ANKRD22: variants seen among roughly 807,000 people sequenced by gnomAD.
ANKRD22 encodes the protein ankyrin repeat domain-containing protein 22.
ANKRD22 carries 24 observed loss-of-function variants against 25.7 expected under a neutral mutation model. That is an observed-to-expected ratio of 0.93 (90% confidence interval 0.68 to 1.31). The LOEUF (loss-of-function observed/expected upper bound fraction) is 1.31, where lower values mean the gene tolerates loss of function less well. Among genes scored for constraint, ANKRD22 ranks in the 50% most tolerant of loss-of-function variants. The pLI, the probability that ANKRD22 is intolerant of heterozygous loss-of-function variation, is 0.00. For synonymous variants in ANKRD22, 84 were observed against 84.3 expected (o/e 1.00, Z 0.02); for missense variants, 214 against 227.1 (o/e 0.94, Z 0.37).
chr10:88,838,786 G>A lies in ANKRD22; in HGVS notation c.22-6760C>T, dbSNP rs960609721. Among the ~76,000 whole-genome samples, 5 of 152,212 alleles carry A rather than the reference G, an allele frequency of 3.3e-5. No homozygotes were observed. The East Asian group carries it at 5.8e-4, about 18-fold the overall frequency. The stretch of plus-strand genomic sequence containing the variant: ...AATTGAACCATGGTCAAAAAACAAC[G>A]GTGACCAAGAAGTAGACTGAATCAG... On this transcript the variant is annotated intron_variant, in intron 1 of 5. Coordinates refer to ENST00000371930, the MANE Select transcript of ANKRD22 (RefSeq NM_144590.3).
Position 88,836,898 on chromosome 10 carries a change from T to C in ANKRD22, c.22-4872A>G, listed in dbSNP as rs1323499363. ...AGACAAAGATCATTGAATGTGATCA[T>C]TAGCAGCCATGCAGAGGCCAATTTT... On this transcript the variant is annotated intron_variant, in intron 1 of 5. Transcript: ENST00000371930. 3.3e-5 allele frequency among the ~76,000 whole-genome samples: 5 copies of C among 152,312 alleles called. No homozygotes were observed. The East Asian group carries it at 9.6e-4, about 29-fold the overall frequency.
At chr10:88,839,351 C>T (rs1843983474) in intron 1 of ANKRD22, among the ~76,000 whole-genome samples, 1 of 152,134 alleles carries the variant, frequency 6.6e-6, no homozygotes, top group African/African-American at 2.4e-5. Flanking sequence ...GTATCTATGA[C>T]TTTTACCTGG....
chr10:88,823,392 G>C lies in ANKRD22; in HGVS notation c.400-14C>G. ...GGTACAGCCATACTGAAACACAAAGGGCCAAAACTTCAGCTCATAAGTCGG... is the reference window on the plus strand; with the variant it reads ...GGTACAGCCATACTGAAACACAAAGCGCCAAAACTTCAGCTCATAAGTCGG... On this transcript the variant is annotated splice_polypyrimidine_tract_variant and intron_variant, in intron 4 of 5. Transcript: ENST00000371930. 1.9e-6 allele frequency: 3 copies of C among 1,602,650 alleles called. No individual in the cohort carries two copies. Among genetic ancestry groups the C allele is most frequent in the Non-Finnish European group, 2.6e-6 (3 of 1,169,782 alleles).
chr10:88,824,334 G>A (rs1843833408), intron 4 of ANKRD22, among the ~76,000 whole-genome samples: 1 of 152,186 alleles, frequency 6.6e-6, no homozygotes, highest in South Asian at 2.1e-4. Context: ...GGTGAGTGAA[G>A]AAATAGTACC....
Position 88,820,467 on chromosome 10 carries a change from A to T in ANKRD22, c.*2474T>A, listed in dbSNP as rs1378697641. The T allele has an allele frequency of 6.4e-7, 1 of 1,551,662 alleles. No homozygotes were observed. The highest frequency in any genetic ancestry group is 2.0e-5 in the Admixed American group (1 of 51,000). On this transcript the variant is annotated 3_prime_UTR_variant, in exon 6 of 6. Transcript: ENST00000371930. The stretch of plus-strand genomic sequence containing the variant: ...CATCTGATGCAGCAGGAGGAGACCA[A>T]CCTTTCCCAGGGACGGTGTGAGGCC...
chr10:88,821,633 C>T lies in ANKRD22; in HGVS notation c.*1308G>A, dbSNP rs1391505370. ...CAGAATCTATATCTACACACTATTA[C>T]TTCCTTCATAAAATAAGTTTCTTAA... is the stretch of plus-strand genomic sequence containing the variant. On this transcript the variant is annotated 3_prime_UTR_variant, in exon 6 of 6. Coordinates refer to ENST00000371930, the MANE Select transcript of ANKRD22 (RefSeq NM_144590.3). Among the ~76,000 whole-genome samples the T allele has an allele frequency of 6.6e-6, 1 of 152,110 alleles. No individual in the cohort carries two copies. The highest frequency in any genetic ancestry group is 2.4e-5 in the African/African-American group (1 of 41,422).
At chr10:88,843,439 C>T (rs1037566067) in intron 1 of ANKRD22, among the ~76,000 whole-genome samples, 2 of 152,150 alleles carry the variant, frequency 1.3e-5, no homozygotes, top group Non-Finnish European at 2.9e-5. Context: ...TGGGAGAAAA[C>T]GTTGCCTTTG....
chr10:88,830,624 A>T (rs577806953), intron 2 of ANKRD22, among the ~76,000 whole-genome samples: 2 of 152,360 alleles, frequency 1.3e-5, no homozygotes, highest in African/African-American at 4.8e-5. Flanking sequence ...AAAATCTATT[A>T]ATCTAATGTA....
At chr10:88,844,429 T>TA (rs1291943986) in intron 1 of ANKRD22, among the ~76,000 whole-genome samples, 2 of 152,158 alleles carry the variant, frequency 1.3e-5, no homozygotes, top group Non-Finnish European at 2.9e-5. Context: ...AATTAGTATG[T>TA]AAACCATTTT....
At chr10:88,823,120 C>T in intron 5 of ANKRD22, 102 bp from the exon 6 acceptor site, 1 of 1,300,262 alleles carries the variant, frequency 7.7e-7, no homozygotes, top group African/African-American at 1.5e-5. Context: ...CTTTAAAAGG[C>T]AATCAGTCCT....
chr10:88,849,555 T>C (rs1844084518), intron 1 of ANKRD22, among the ~76,000 whole-genome samples: 2 of 152,174 alleles, frequency 1.3e-5, no homozygotes, highest in South Asian at 4.1e-4. Context: ...TGTGTAACTA[T>C]GAGCCAGTGA....
chr10:88,823,357 A>T lies in ANKRD22; in HGVS notation c.421T>A (p.Tyr141Asn). 6.2e-7 allele frequency: 1 copy of T among 1,614,108 alleles called. No individual in the cohort carries two copies. Among genetic ancestry groups the T allele is most frequent in the Admixed American group, 1.7e-5 (1 of 60,030 alleles). Residue 141 changes from tyrosine to asparagine, a missense_variant, in exon 5 of 6, where the codon TAT becomes AAT. By Grantham distance (143) the Tyr-to-Asn change is moderately radical. Transcript: ENST00000371930. ...TDCYGCTALH[Y>N]ACEMKNQSLI... ...GACTGGTTTTTCATTTCACAGGCAT[A>T]ATGTAATGCGGTACAGCCATACTGA... is the stretch of plus-strand genomic sequence containing the variant.
intron 1 of ANKRD22, among the ~76,000 whole-genome samples, chr10:88,840,913 C>T (rs1341146438): frequency 3.3e-5 from 5 of 152,106 alleles, no homozygotes; most frequent in Non-Finnish European, 7.4e-5. Flanking sequence ...TTTTTAAAGG[C>T]TGTTCTAGGC....
At chr10:88,836,001 G>C (rs184883896) in intron 1 of ANKRD22, among the ~76,000 whole-genome samples, 6 of 152,256 alleles carry the variant, frequency 3.9e-5, no homozygotes. Context: ...ACACACTTGG[G>C]AAATTATTAT....
Position 88,850,102 on chromosome 10 carries a change from A to G in ANKRD22, c.21+1485T>C, listed in dbSNP as rs540854689. 1.6e-4 allele frequency among the ~76,000 whole-genome samples: 24 copies of G among 148,498 alleles called. No homozygotes were observed. The East Asian group carries it at 4.3e-3, about 27-fold the overall frequency. ...CCTTAATGAGTAGCTCACAATCTTT[A>G]TCCTTAGGAAACACAGAGCAAATGA... On this transcript the variant is annotated intron_variant, in intron 1 of 5. Transcript: ENST00000371930.
At chr10:88,827,472 C>A (rs1048382739) in intron 3 of ANKRD22, among the ~76,000 whole-genome samples, 1 of 152,094 alleles carries the variant, frequency 6.6e-6, no homozygotes, top group East Asian at 1.9e-4. Flanking sequence ...TAATTTTTAC[C>A]TTTAGAATCT....
In ANKRD22 at chr10:88,851,734, C is replaced by A. The variant is rs895268644; in HGVS notation, c.-127G>T. On this transcript the variant is annotated 5_prime_UTR_variant, in exon 1 of 6. Transcript: ENST00000371930. ...TAGAAGTCCAAGCTGGTGGCAAGCTCCAGGAGTGCTTTTCTAGCAAACACC... is the reference window on the plus strand; with the variant it reads ...TAGAAGTCCAAGCTGGTGGCAAGCTACAGGAGTGCTTTTCTAGCAAACACC... The A allele has an allele frequency of 1.9e-6, 2 of 1,063,336 alleles. No individual in the cohort carries two copies. Among genetic ancestry groups the A allele is most frequent in the Non-Finnish European group, 2.9e-6 (2 of 696,378 alleles). The allele number at this position is 1,063,336 out of a possible 1,614,324, so 65.9% of individuals were successfully genotyped here.
chr10:88,850,287 C>G (rs1477389872), intron 1 of ANKRD22, among the ~76,000 whole-genome samples: 1 of 151,048 alleles, frequency 6.6e-6, no homozygotes, highest in Non-Finnish European at 1.5e-5. Context: ...TTCCTTTTTC[C>G]AAATCACATA....
chr10:88,841,225 A>C (rs1844001357), intron 1 of ANKRD22, among the ~76,000 whole-genome samples: 1 of 152,100 alleles, frequency 6.6e-6, no homozygotes, highest in African/African-American at 2.4e-5. Context: ...GGGTGGAGGA[A>C]GAGTGGGTTC....
Sources: gnomAD v4.1 joint callset for allele counts (sites outside exome capture counted in the v4.1 genomes callset) on GRCh38, gnomAD v4.1.1 for gene constraint, MANE v1.5 for transcripts, NCBI Gene and HGNC (gene_info 2026-07-23, HGNC 2026-07-21) for gene names.